The following NAXD variants were observed in gnomAD, a reference collection of about 807,000 sequenced individuals.
The protein encoded by NAXD is NAD(P)HX dehydratase.
In NAXD, 22 loss-of-function variants were observed where a neutral mutation model predicts 35.8. That is an observed-to-expected ratio of 0.62 (90% confidence interval 0.44 to 0.88). The LOEUF is 0.88. NAXD is among the 40% of genes least tolerant of loss of function. The pLI, the probability that NAXD is intolerant of heterozygous loss-of-function variation, is 0.00. For missense variants in NAXD, 428 were observed against 437.7 expected (o/e 0.98, Z 0.20); for synonymous variants, 189 against 177.6 (o/e 1.06, Z -0.51).
At chr13:110,627,724 C>T (rs998633657) in intron 5 of NAXD, among the ~76,000 whole-genome samples, 177 bp downstream of exon 5, 1 of 152,200 alleles carries the variant, frequency 6.6e-6, no homozygotes, top group Non-Finnish European at 1.5e-5. Flanking sequence ...AGGAACTGTG[C>T]TGAGATGTGC....
Position 110,637,220 on chromosome 13 carries a change from G to C in NAXD, c.810G>C (p.Ala270=), listed in dbSNP as rs374886391. The change falls in exon 9 of 10, where the codon GCG becomes GCC. Residue 270 remains alanine (A), a synonymous_variant. Transcript: ENST00000680254. The part of the protein sequence containing the change: ...SGSLGVLVHW[A]LLAGPQKTNG... The stretch of plus-strand genomic sequence containing the variant: ...CCCTGGGCGTCCTGGTACACTGGGC[G>C]CTCCTTGCTGGACCACAGAAAACAA... 6.2e-7 allele frequency: 1 copy of C among 1,613,980 alleles called. No homozygotes were observed. Among genetic ancestry groups the C allele is most frequent in the African/African-American group, 1.3e-5 (1 of 75,060 alleles).
Position 110,637,206 on chromosome 13 carries a change from C to G in NAXD, c.796C>G (p.Leu266Val). 1.2e-6 allele frequency: 2 copies of G among 1,614,054 alleles called. No individual in the cohort carries two copies. Among genetic ancestry groups the G allele is most frequent in the Non-Finnish European group, 1.7e-6 (2 of 1,179,962 alleles). Residue 266 changes from leucine to valine, a missense_variant, in exon 9 of 10, where the codon CTG becomes GTG. Coordinates refer to ENST00000680254, the MANE Select transcript of NAXD (RefSeq NM_001242882.2). Reference protein sequence around the residue: ...GDLLSGSLGVLVHWALLAGPQ... With the variant: ...GDLLSGSLGVVVHWALLAGPQ... Reference sequence around the variant, plus strand: ...CCTCCTGTCGGGCTCCCTGGGCGTCCTGGTACACTGGGCGCTCCTTGCTGG... The same window carrying G: ...CCTCCTGTCGGGCTCCCTGGGCGTCGTGGTACACTGGGCGCTCCTTGCTGG...
At chr13:110,618,929 A>G (rs1438568639) in intron 1 of NAXD, among the ~76,000 whole-genome samples, 1 of 152,230 alleles carries the variant, frequency 6.6e-6, no homozygotes, top group Non-Finnish European at 1.5e-5. Context: ...TCTGGGGAGC[A>G]GATGCGGAGA....
chr13:110,622,471 C>T, intron 2 of NAXD, 105 bp downstream of exon 2: 1 of 1,132,742 alleles, frequency 8.8e-7, no homozygotes, highest in Non-Finnish European at 1.3e-6. Context: ...TAATCATTTC[C>T]AAATGCAGCC....
At chr13:110,626,393 T>G (rs1886484621) in intron 4 of NAXD, among the ~76,000 whole-genome samples, 1 of 151,432 alleles carries the variant, frequency 6.6e-6, no homozygotes, top group Non-Finnish European at 1.5e-5. Context: ...CGGGCTTGGG[T>G]GGGATGAAGA....
chr13:110,619,970 TG>T (rs1190283587), intron 1 of NAXD, among the ~76,000 whole-genome samples: 2 of 152,046 alleles, frequency 1.3e-5, no homozygotes, highest in Admixed American at 1.3e-4. Context: ...AACTAATTTT[TG>T]TATTTTTAGT....
At chr13:110,616,939 G>T (rs952989217) in intron 1 of NAXD, among the ~76,000 whole-genome samples, 1 of 152,170 alleles carries the variant, frequency 6.6e-6, no homozygotes, top group African/African-American at 2.4e-5. Flanking sequence ...ACTGGGTGGC[G>T]CTGAGAGGGT....
chr13:110,631,584 A>G (rs1886698833), intron 5 of NAXD, among the ~76,000 whole-genome samples: 1 of 152,198 alleles, frequency 6.6e-6, no homozygotes, highest in African/African-American at 2.4e-5. Context: ...TTTGAGTACT[A>G]TTTGCAAATA....
intron 8 of NAXD, among the ~76,000 whole-genome samples, chr13:110,635,901 A>G (rs897843032): frequency 6.6e-6 from 1 of 152,256 alleles, no homozygotes; most frequent in African/African-American, 2.4e-5. Flanking sequence ...GGCACAGTGC[A>G]GGGTCCCGCG....
chr13:110,637,258 A>G lies in NAXD; in HGVS notation c.839+9A>G, dbSNP rs368407833. The G allele has an allele frequency of 6.2e-6, 10 of 1,613,704 alleles. No individual in the cohort carries two copies. Among genetic ancestry groups the G allele is most frequent in the Non-Finnish European group, 8.5e-6 (10 of 1,179,936 alleles). On this transcript the variant is annotated intron_variant, in intron 9 of 9. Transcript: ENST00000680254. ...CCACAGAAAACAAATGGGTAAGGCC[A>G]CGTCTTCATTTATTCTACTTTGAAA...
chr13:110,615,911 G>C (rs1215525018), intron 1 of NAXD: 1 of 680,454 alleles, frequency 1.5e-6, no homozygotes, highest in Non-Finnish European at 2.1e-6. Context: ...GAACGGCGCG[G>C]CGACGGCTGG....
chr13:110,621,133 G>A (rs954308523), intron 1 of NAXD, among the ~76,000 whole-genome samples: 2 of 152,142 alleles, frequency 1.3e-5, no homozygotes, highest in African/African-American at 4.8e-5. Flanking sequence ...CCATTTCTAG[G>A]TTATTTAATT....
At chr13:110,623,205 G>A (rs1886331586) in intron 2 of NAXD, among the ~76,000 whole-genome samples, 1 of 152,156 alleles carries the variant, frequency 6.6e-6, no homozygotes, top group South Asian at 2.1e-4. Context: ...TGCCTGTTCT[G>A]TACTGTCTTT....
At chr13:110,616,126 C>A in intron 1 of NAXD, 1 of 279,374 alleles carries the variant, frequency 3.6e-6, no homozygotes, top group Non-Finnish European at 6.7e-6. Flanking sequence ...TCCCCGCTCC[C>A]GGTCTGGGAA....
Position 110,635,480 on chromosome 13 carries a change from A to G in NAXD, c.610A>G (p.Met204Val), listed in dbSNP as rs138420275. ...RLYDAVLRGP[M>V]DSDDSHGSVL... is the part of the protein sequence containing the mutation. ...TGTGTTGTCATAGCTCAGAGGCCCT[A>G]TGGACAGCGATGACAGCCATGGATC... Residue 204 changes from methionine to valine, a missense_variant, in exon 8 of 10, where the codon ATG (methionine) becomes GTG (valine). Around this residue, in one of 3 missense-constraint regions of NAXD, gnomAD observed 209 missense variants for 214.6 expected, o/e 0.97. Coordinates refer to ENST00000680254, the MANE Select transcript of NAXD (RefSeq NM_001242882.2). The G allele has an allele frequency of 1.8e-4, 284 of 1,613,904 alleles. No individual in the cohort carries two copies. The highest frequency in any genetic ancestry group is 3.0e-4 in the Admixed American group (18 of 60,004).
In NAXD at chr13:110,624,047, G is replaced by A. The variant is rs141510934; in HGVS notation, c.198-187G>A. 1.3e-3 allele frequency among the ~76,000 whole-genome samples: 200 copies of A among 150,906 alleles called. 2 individuals are homozygous for A. Among genetic ancestry groups the A allele is most frequent in the African/African-American group, 4.6e-3 (188 of 41,200 alleles). On this transcript the variant is annotated intron_variant, in intron 2 of 9. Coordinates refer to ENST00000680254, the MANE Select transcript of NAXD (RefSeq NM_001242882.2). ...ACATTTCTAGTCGAACCTGGTTCATGTTCATTGAACATTTGCTGAGCATCT... is the reference window on the plus strand; with the variant it reads ...ACATTTCTAGTCGAACCTGGTTCATATTCATTGAACATTTGCTGAGCATCT...
At chr13:110,632,645 G>A (rs142885587) in intron 5 of NAXD, among the ~76,000 whole-genome samples, 7,126 of 152,154 alleles carry the variant, frequency 0.047, 365 homozygotes, top group African/African-American at 0.13. Context: ...ACAGAGTGTC[G>A]ATAGGTGCAC....
Position 110,622,292 on chromosome 13 carries a change from TATC to T in NAXD, c.126_128del (p.Ile43del), listed in dbSNP as rs1886299140. 2 of 1,614,172 alleles carry T rather than the reference TATC, an allele frequency of 1.2e-6. No homozygotes were observed. Among genetic ancestry groups the T allele is most frequent in the East Asian group, 4.5e-5 (2 of 44,888 alleles). On this transcript the variant is annotated inframe_deletion, in exon 2 of 10. Transcript: ENST00000680254. ...AAAATACTTTGCAGCTGGTGAGAAA[TATC>T]ATACCTCCTCTGTCTTCCACAAAGC...
rs1301951482 is a variant in NAXD, at chr13:110,638,674, TAAG to T, written c.*149_*151del. On this transcript the variant is annotated 3_prime_UTR_variant, in exon 10 of 10. Coordinates refer to ENST00000680254, the MANE Select transcript of NAXD (RefSeq NM_001242882.2). The surrounding 1 kb of genome is among the most constrained non-coding windows in gnomAD (Gnocchi z 5.4). ...CATAAATTGGTTGCCATTGAGAATTTAAGAATCTGGAATATTGCAGCTTTTGGT... is the reference window on the plus strand; with the variant it reads ...CATAAATTGGTTGCCATTGAGAATTTAATCTGGAATATTGCAGCTTTTGGT... 3 of 928,328 alleles carry T rather than the reference TAAG, an allele frequency of 3.2e-6. No homozygotes were observed. Among genetic ancestry groups the T allele is most frequent in the Non-Finnish European group, 5.1e-6 (3 of 587,784 alleles). The allele number at this position is 928,328 out of a possible 1,614,324, so 57.5% of individuals were successfully genotyped here. A position where few individuals can be genotyped will look rare whatever the true frequency, so the allele number is the denominator to read the frequency against.
Sources: allele counts gnomAD v4.1 joint callset (sites outside exome capture counted in the v4.1 genomes callset), GRCh38; gene constraint gnomAD v4.1.1; regional missense constraint gnomAD v4.1.1; non-coding constraint Gnocchi (gnomAD v3.1); transcripts MANE v1.5; gene names NCBI Gene and HGNC (gene_info 2026-07-23, HGNC 2026-07-21).